GADL1: variants seen among roughly 807,000 people sequenced by gnomAD.
GADL1 encodes the protein GAD like acidic amino acid decarboxylase 1.
A neutral mutation model predicts 69.5 loss-of-function variants in GADL1; 71 were observed. The observed-to-expected ratio is 1.02, with a 90% CI of 0.84 to 1.25. GADL1 has a LOEUF of 1.25. GADL1 is among the 50% of genes most tolerant of loss of function. The pLI, the probability that GADL1 is intolerant of heterozygous loss-of-function variation, is 0.00. For missense variants in GADL1, 737 were observed against 631.8 expected (o/e 1.17, Z -1.79); for synonymous variants, 254 against 214.4 (o/e 1.18, Z -1.62).
chr3:30,784,436 A>G (rs1696745357), intron 13 of GADL1, among the ~76,000 whole-genome samples: 1 of 146,960 alleles, frequency 6.8e-6, no homozygotes, highest in Admixed American at 6.8e-5. Context: ...TGTTGTCTTT[A>G]TAGTACTACC....
At chr3:30,868,449 G>C (rs577660376) in intron 1 of GADL1, among the ~76,000 whole-genome samples, 21 of 152,088 alleles carry the variant, frequency 1.4e-4, no homozygotes, top group African/African-American at 5.1e-4. Flanking sequence ...CAAAGCCTGA[G>C]CTTTAAGTCC....
At chr3:30,819,323 G>A (rs1697529919) in intron 11 of GADL1, among the ~76,000 whole-genome samples, 1 of 151,982 alleles carries the variant, frequency 6.6e-6, no homozygotes, top group Non-Finnish European at 1.5e-5. Flanking sequence ...TGTATAAGAT[G>A]TCCTTCCAAG....
At position 30,728,021 on chromosome 3, in the gene GADL1, C is replaced by CT. The variant is rs754512948; in HGVS notation, c.*220_*221insA. The CT allele has an allele frequency of 0.017, 6,829 of 411,322 alleles. 39 individuals carry two copies. The highest frequency in any genetic ancestry group is 0.022 in the Non-Finnish European group (4,883 of 227,114). The allele number at this position is 411,322 out of a possible 1,614,324, so 25.5% of individuals were successfully genotyped here. A position where few individuals can be genotyped will look rare whatever the true frequency, so the allele number is the denominator to read the frequency against. ...TTCCAGGGGCATTCCTTGAGAAAAT[C>CT]ATTTTTTTTTTTAAACTTTCTTCTT... On this transcript the variant is annotated 3_prime_UTR_variant, in exon 15 of 15. Transcript: ENST00000282538.
At chr3:30,827,505 A>G (rs1438171794) in intron 11 of GADL1, among the ~76,000 whole-genome samples, 1 of 151,912 alleles carries the variant, frequency 6.6e-6, no homozygotes, top group African/African-American at 2.4e-5. Context: ...CAATGGTAAT[A>G]CCAACAAATC....
intron 12 of GADL1, among the ~76,000 whole-genome samples, chr3:30,791,413 A>C (rs1696912040): frequency 6.6e-6 from 1 of 152,170 alleles, no homozygotes; most frequent in Non-Finnish European, 1.5e-5. Context: ...GTCTAGGCAA[A>C]TTCCTAAGCC....
intron 9 of GADL1, 140 bp downstream of exon 9, chr3:30,838,857 G>A: frequency 1.8e-6 from 1 of 561,628 alleles, no homozygotes; most frequent in Non-Finnish European, 3.2e-6. Flanking sequence ...CAAGAAAGTG[G>A]CATACTTATT....
At chr3:30,766,540 ACATAT>A (rs1438752937) in intron 14 of GADL1, among the ~76,000 whole-genome samples, 2 of 146,902 alleles carry the variant, frequency 1.4e-5, no homozygotes, top group African/African-American at 5.1e-5. Flanking sequence ...AAAATCCATA[ACATAT>A]CATTACTGTG....
intron 14 of GADL1, among the ~76,000 whole-genome samples, chr3:30,768,577 A>G (rs1575195136): frequency 5.4e-5 from 8 of 148,034 alleles, no homozygotes; most frequent in Non-Finnish European, 9.0e-5. Context: ...GGGGAGGGGG[A>G]GGAGAGGCGG....
chr3:30,772,204 T>C (rs1696433150), intron 14 of GADL1, among the ~76,000 whole-genome samples: 1 of 152,192 alleles, frequency 6.6e-6, no homozygotes, highest in Non-Finnish European at 1.5e-5. Context: ...TCCTCTACTA[T>C]TAAGGAGAAA....
intron 14 of GADL1, among the ~76,000 whole-genome samples, chr3:30,761,104 TGAAG>T (rs1696117729): frequency 6.6e-6 from 1 of 152,240 alleles, no homozygotes; most frequent in South Asian, 2.1e-4. Flanking sequence ...AGGCATTTAA[TGAAG>T]GATCTCTGAA....
rs1695404183 is a variant in GADL1 at position 30,728,466 on chromosome 3, T to C, written c.1393-51A>G. On this transcript the variant is annotated intron_variant, in intron 14 of 14. Transcript: ENST00000282538. ...GGTGAAAGACCAGAACATCAAGGCA[T>C]TTCAATAGCATTTTCACCAGCCATT... The C allele has an allele frequency of 2.0e-6, 3 of 1,470,262 alleles. No homozygotes were observed. The South Asian group carries it at 3.4e-5, about 17-fold the overall frequency. The allele number at this position is 1,470,262 out of a possible 1,614,324, so 91.1% of individuals were successfully genotyped here. A position where few individuals can be genotyped will look rare whatever the true frequency, so the allele number is the denominator to read the frequency against.
chr3:30,877,430 C>A (rs1032535451), intron 1 of GADL1, among the ~76,000 whole-genome samples: 3 of 151,858 alleles, frequency 2.0e-5, no homozygotes, highest in Non-Finnish European at 2.9e-5. Context: ...AGGCCACTGA[C>A]TAATATTAGG....
At chr3:30,792,176 C>T (rs868112633) in intron 12 of GADL1, among the ~76,000 whole-genome samples, 14 of 152,148 alleles carry the variant, frequency 9.2e-5, no homozygotes, top group Admixed American at 3.3e-4. Context: ...AACTGTGATC[C>T]GTGGTATACC....
Position 30,752,927 on chromosome 3 carries a change from C to G in GADL1, c.1393-24512G>C, listed in dbSNP as rs553922331. 2.7e-5 allele frequency among the ~76,000 whole-genome samples: 4 copies of G among 149,962 alleles called. No homozygotes were observed. In the East Asian group the frequency reaches 7.9e-4, roughly 30 times the overall value. The stretch of plus-strand genomic sequence containing the variant: ...GGCAAGCTGGTAGGGCTTCTGAATT[C>G]AGTTGAGAACACAATCCTCGTTTTT... On this transcript the variant is annotated intron_variant, in intron 14 of 14. Coordinates refer to ENST00000282538, the MANE Select transcript of GADL1 (RefSeq NM_207359.3).
intron 12 of GADL1, chr3:30,800,550 AAG>A: frequency 4.2e-6 from 1 of 239,452 alleles, no homozygotes; most frequent in East Asian, 1.0e-4. Flanking sequence ...AGTGTGCCTC[AAG>A]AACACACTAG....
At chr3:30,775,389 C>T (rs1696513750) in intron 14 of GADL1, among the ~76,000 whole-genome samples, 1 of 152,216 alleles carries the variant, frequency 6.6e-6, no homozygotes, top group Admixed American at 6.5e-5. Flanking sequence ...GCTTTAAGTA[C>T]ACTACAGGTT....
intron 14 of GADL1, among the ~76,000 whole-genome samples, chr3:30,760,048 CTTA>C (rs1045980526): frequency 7.2e-5 from 11 of 152,154 alleles, no homozygotes; most frequent in African/African-American, 2.2e-4. Flanking sequence ...GTGATAAATG[CTTA>C]TTGTCTCATA....
At chr3:30,731,880 T>C (rs1378280884) in intron 14 of GADL1, among the ~76,000 whole-genome samples, 1 of 152,230 alleles carries the variant, frequency 6.6e-6, no homozygotes, top group Non-Finnish European at 1.5e-5. Context: ...CTGATATTCA[T>C]CAAATCTTTA....
chr3:30,843,318 C>T (rs1035492240), intron 8 of GADL1, among the ~76,000 whole-genome samples: 2 of 146,174 alleles, frequency 1.4e-5, no homozygotes, highest in African/African-American at 5.2e-5. Context: ...TGCAGTGGTG[C>T]GATTTCAGCT....
Sources: allele counts gnomAD v4.1 joint callset (sites outside exome capture counted in the v4.1 genomes callset), GRCh38; gene constraint gnomAD v4.1.1; transcripts MANE v1.5; gene names NCBI Gene and HGNC (gene_info 2026-07-23, HGNC 2026-07-21).